RBFOX1: variants seen among roughly 807,000 people sequenced by gnomAD.
RBFOX1 encodes the protein RNA binding fox-1 homolog 1.
A neutral mutation model predicts 57.7 loss-of-function variants in RBFOX1; 8 were observed. That is an observed-to-expected ratio of 0.14 (90% CI 0.08 to 0.25). RBFOX1 has a LOEUF of 0.25. Among genes scored for constraint, RBFOX1 ranks in the 10% least tolerant of loss-of-function variants. The pLI is 1.00. For synonymous variants in RBFOX1, 326 were observed against 222.4 expected, an observed-to-expected ratio of 1.47 and a Z score of -4.15; for missense variants, 611 against 548.5, an observed-to-expected ratio of 1.11 and a Z score of -1.14.
intron 1 of RBFOX1, among the ~76,000 whole-genome samples, chr16:5,265,624 T>C (rs2062838917): frequency 6.6e-6 from 1 of 152,258 alleles, no homozygotes; most frequent in African/African-American, 2.4e-5. Flanking sequence ...TGCTTTGAGA[T>C]GCAGAAGTGT....
chr16:7,487,886 C>G (rs1439050469), intron 4 of RBFOX1, among the ~76,000 whole-genome samples: 1 of 152,116 alleles, frequency 6.6e-6, no homozygotes, highest in Non-Finnish European at 1.5e-5. Context: ...ATCTCAATTC[C>G]AAGGAAAAGC....
At chr16:6,363,859 T>G (rs1329696754) in intron 2 of RBFOX1, among the ~76,000 whole-genome samples, 1 of 152,132 alleles carries the variant, frequency 6.6e-6, no homozygotes, top group Admixed American at 6.6e-5. Flanking sequence ...GCCTAGGAAA[T>G]GAAAGAGATG....
chr16:7,567,229 C>CTATA (rs376595353), intron 5 of RBFOX1, among the ~76,000 whole-genome samples: 11,218 of 117,552 alleles, frequency 0.095, 1,041 homozygotes, highest in South Asian at 0.18. Flanking sequence ...ATATATATCC[C>CTATA]TATATATATA....
chr16:5,432,633 C>T (rs1188827993), intron 1 of RBFOX1, among the ~76,000 whole-genome samples: 1 of 140,560 alleles, frequency 7.1e-6, no homozygotes, highest in Admixed American at 7.4e-5. Context: ...AAAATCACTT[C>T]GCTTTTTTCT....
intron 14 of RBFOX1, among the ~76,000 whole-genome samples, chr16:7,693,027 C>G (rs936693377): frequency 2.0e-5 from 3 of 152,066 alleles, no homozygotes; most frequent in African/African-American, 4.8e-5. Context: ...ATTTGAAATG[C>G]TTTAGCCTTA....
chr16:7,298,031 AT>A (rs1484899072), intron 4 of RBFOX1, among the ~76,000 whole-genome samples: 2 of 152,050 alleles, frequency 1.3e-5, no homozygotes, highest in African/African-American at 2.4e-5. Context: ...TTTTGGTTTG[AT>A]TTTTCACATG....
chr16:7,007,339 T>C (rs1438459839), intron 3 of RBFOX1, among the ~76,000 whole-genome samples: 1 of 152,236 alleles, frequency 6.6e-6, no homozygotes, highest in Non-Finnish European at 1.5e-5. Flanking sequence ...CATTGACTTC[T>C]TCTGCCATAT....
At chr16:6,603,434 TTG>T (rs1021605547) in intron 2 of RBFOX1, among the ~76,000 whole-genome samples, 3 of 152,210 alleles carry the variant, frequency 2.0e-5, no homozygotes, top group Admixed American at 2.0e-4. Context: ...AAAAATCTTT[TTG>T]TGTTATCAAA....
intron 3 of RBFOX1, among the ~76,000 whole-genome samples, chr16:6,789,207 G>T (rs1004898012): frequency 6.6e-6 from 1 of 152,158 alleles, no homozygotes; most frequent in Non-Finnish European, 1.5e-5. Context: ...TGTAAGTCAT[G>T]AAATGCACGT....
At chr16:5,802,012 T>A (rs998300099) in intron 3 of RBFOX1, among the ~76,000 whole-genome samples, 9 of 152,138 alleles carry the variant, frequency 5.9e-5, no homozygotes, top group Non-Finnish European at 1.3e-4. Context: ...CTGCATTCGC[T>A]GGAGGAAGAG....
At chr16:6,698,282 C>CT (rs1269404487) in intron 3 of RBFOX1, among the ~76,000 whole-genome samples, 47 of 152,244 alleles carry the variant, frequency 3.1e-4, no homozygotes, top group African/African-American at 1.0e-3. Flanking sequence ...GGGGGGTAAT[C>CT]TATTTGTACA....
At chr16:7,252,895 C>G (rs1468721103) in intron 4 of RBFOX1, among the ~76,000 whole-genome samples, 1 of 152,056 alleles carries the variant, frequency 6.6e-6, no homozygotes, top group African/African-American at 2.4e-5. Flanking sequence ...TTTGGCAGAG[C>G]CGTTATCTTA....
rs140611956 is a variant in RBFOX1, at chr16:7,278,315, A to G, written c.27+226217A>G. 7.2e-5 allele frequency among the ~76,000 whole-genome samples: 11 copies of G among 152,328 alleles called. No individual in the cohort carries two copies. In the East Asian group the frequency reaches 2.1e-3, roughly 29 times the overall value. The stretch of plus-strand genomic sequence containing the variant: ...GTTCCGTAATGCTTAAAGAGAGATC[A>G]AACCTCCTTCAGTGTCTCTAGATGG... On this transcript the variant is annotated intron_variant, in intron 4 of 15. Transcript: ENST00000550418.
intron 3 of RBFOX1, among the ~76,000 whole-genome samples, chr16:6,754,319 A>G (rs2075434445): frequency 6.6e-6 from 1 of 152,206 alleles, no homozygotes; most frequent in Admixed American, 6.5e-5. Flanking sequence ...CAAATTGCAT[A>G]AATGGTGTTG....
At position 7,088,763 on chromosome 16, in the gene RBFOX1, C is replaced by A. The variant is rs548043619; in HGVS notation, c.27+36665C>A. The stretch of plus-strand genomic sequence containing the variant: ...ATTTCTTATGCCAGTAACCAAAGTC[C>A]TTGCTCTGTGATTTCAGGTTTAGAG... On this transcript the variant is annotated intron_variant, in intron 4 of 15. Transcript: ENST00000550418. Among the ~76,000 whole-genome samples, 4 of 152,254 alleles carry A rather than the reference C, an allele frequency of 2.6e-5. No homozygotes were observed. The South Asian group carries it at 8.3e-4, about 32-fold the overall frequency.
At chr16:6,033,278 G>C (rs1347228151) in intron 1 of RBFOX1, among the ~76,000 whole-genome samples, 1 of 152,092 alleles carries the variant, frequency 6.6e-6, no homozygotes, top group Non-Finnish European at 1.5e-5. Context: ...TTCTAGGCAG[G>C]GAATGATGTA....
chr16:7,216,046 C>T (rs576688424), intron 4 of RBFOX1, among the ~76,000 whole-genome samples: 6 of 152,128 alleles, frequency 3.9e-5, no homozygotes, highest in Non-Finnish European at 8.8e-5. Flanking sequence ...TCACTGGAAT[C>T]ATACAGTATT....
rs139464609 is a variant in RBFOX1, at chr16:5,269,467, C to T, written c.219+29362C>T. Among the ~76,000 whole-genome samples the T allele has an allele frequency of 3.5e-3, 540 of 152,350 alleles. 1 individual carries two copies. The highest frequency in any genetic ancestry group is 0.012 in the African/African-American group (512 of 41,580). On this transcript the variant is annotated intron_variant, in intron 1 of 2. Coordinates refer to the RBFOX1 transcript ENST00000585867. Reference sequence around the variant, plus strand: ...CTAATAACCCAAAGAGGGAGTTAATCCAAATGCCCATCACCAGATGAAGAG... The same window carrying T: ...CTAATAACCCAAAGAGGGAGTTAATTCAAATGCCCATCACCAGATGAAGAG...
intron 3 of RBFOX1, among the ~76,000 whole-genome samples, chr16:6,875,772 T>G (rs972173777): frequency 6.6e-6 from 1 of 152,190 alleles, no homozygotes; most frequent in Admixed American, 6.5e-5. Flanking sequence ...TGGGAGGCCA[T>G]GACAGCAGGA....
Sources: allele counts gnomAD v4.1 joint callset (sites outside exome capture counted in the v4.1 genomes callset), GRCh38; gene constraint gnomAD v4.1.1; transcripts MANE v1.5; gene names NCBI Gene and HGNC (gene_info 2026-07-23, HGNC 2026-07-21).